GRM8: variants seen among roughly 807,000 people sequenced by gnomAD.
GRM8 encodes the protein glutamate metabotropic receptor 8.
A neutral mutation model predicts 87.2 loss-of-function variants in GRM8; 47 were observed. The ratio of observed to expected loss-of-function variants is 0.54; its 90% CI spans 0.43 to 0.69. The LOEUF is 0.69. GRM8 is among the 30% of genes least tolerant of loss of function. GRM8 has a pLI of 0.00. For missense variants in GRM8, 1,019 were observed against 1,139.2 expected, an observed-to-expected ratio of 0.89 and a Z score of 1.52; for synonymous variants, 396 against 404.5, an observed-to-expected ratio of 0.98 and a Z score of 0.25.
chr7:126,727,915 T>C (rs1813189202), intron 7 of GRM8, among the ~76,000 whole-genome samples: 2 of 152,214 alleles, frequency 1.3e-5, no homozygotes, highest in African/African-American at 4.8e-5. Flanking sequence ...AGTATTATTG[T>C]ATGTACACAT....
chr7:126,750,714 T>G (rs1381974727), intron 7 of GRM8, among the ~76,000 whole-genome samples: 1 of 152,168 alleles, frequency 6.6e-6, no homozygotes, highest in African/African-American at 2.4e-5. Context: ...TTTCTTCACA[T>G]AATCTCACAC....
intron 9 of GRM8, among the ~76,000 whole-genome samples, chr7:126,464,277 C>G (rs1361593035): frequency 6.6e-6 from 1 of 151,460 alleles, no homozygotes; most frequent in Admixed American, 6.6e-5. Flanking sequence ...TACCCTTGTT[C>G]CTTTTTGGTT....
intron 7 of GRM8, among the ~76,000 whole-genome samples, chr7:126,649,201 G>A (rs1803512013): frequency 6.6e-6 from 1 of 152,184 alleles, no homozygotes; most frequent in South Asian, 2.1e-4. Flanking sequence ...GCAAGGTATT[G>A]ACTCTGGGTG....
chr7:126,587,595 G>T (rs186758475), intron 8 of GRM8, among the ~76,000 whole-genome samples: 2 of 150,022 alleles, frequency 1.3e-5, no homozygotes, highest in African/African-American at 2.5e-5. Flanking sequence ...ACCAAACACC[G>T]CATATTCTCA....
intron 3 of GRM8, among the ~76,000 whole-genome samples, chr7:127,060,832 A>T (rs1820532848): frequency 6.6e-6 from 1 of 152,032 alleles, no homozygotes; most frequent in Non-Finnish European, 1.5e-5. Context: ...AATTTAACTC[A>T]TTTTGTGTCT....
intron 7 of GRM8, among the ~76,000 whole-genome samples, chr7:126,731,495 A>T (rs1334594562): frequency 6.6e-6 from 1 of 152,166 alleles, no homozygotes; most frequent in Non-Finnish European, 1.5e-5. Context: ...TCCCAATGGT[A>T]GTAAACAAAA....
chr7:126,855,391 A>G (rs1173015704), intron 6 of GRM8, among the ~76,000 whole-genome samples: 2 of 152,118 alleles, frequency 1.3e-5, no homozygotes, highest in Admixed American at 1.3e-4. Flanking sequence ...ACTAAGTCTC[A>G]GAACAGCTAG....
intron 9 of GRM8, among the ~76,000 whole-genome samples, chr7:126,479,922 T>A (rs1259115559): frequency 6.6e-6 from 1 of 152,096 alleles, no homozygotes; most frequent in Non-Finnish European, 1.5e-5. Context: ...TTGTTGTCTA[T>A]CTATTTTCAT....
chr7:127,013,976 G>T (rs181774267), intron 3 of GRM8, among the ~76,000 whole-genome samples: 53 of 152,288 alleles, frequency 3.5e-4, no homozygotes, highest in Admixed American at 5.9e-4. Flanking sequence ...CTCATAAGGT[G>T]GCTGAAAGGT....
rs374771651 is a variant in GRM8 at position 126,654,113 on chromosome 7, C to A, written c.1358-44615G>T. ...ATACCCATTTATAGAAATAACTAGA[C>A]CCCTAAGCAGATTCAGGTACATTCT... On this transcript the variant is annotated intron_variant, in intron 7 of 10. Coordinates refer to ENST00000339582, the MANE Select transcript of GRM8 (RefSeq NM_000845.3). Among the ~76,000 whole-genome samples, 11 of 152,232 alleles carry A rather than the reference C, an allele frequency of 7.2e-5. No individual in the cohort carries two copies. The South Asian group carries it at 1.2e-3, about 17-fold the overall frequency.
chr7:126,593,633 A>T (rs1796895513), intron 8 of GRM8, among the ~76,000 whole-genome samples: 1 of 152,034 alleles, frequency 6.6e-6, no homozygotes, highest in African/African-American at 2.4e-5. Flanking sequence ...AAGACCCAAA[A>T]CTATGAAACT....
At position 126,438,766 on chromosome 7, in the gene GRM8, C is replaced by T. The variant is rs545842570; in HGVS notation, c.*353G>A. The T allele has an allele frequency of 2.3e-5, 5 of 218,616 alleles. No individual in the cohort carries two copies. The highest frequency in any genetic ancestry group is 2.2e-4 in the East Asian group (2 of 8,934). 13.5% of individuals were successfully genotyped at this position (218,616 alleles called of 1,614,324 possible). A position where few individuals can be genotyped will look rare whatever the true frequency, so the allele number is the denominator to read the frequency against. On this transcript the variant is annotated 3_prime_UTR_variant, in exon 11 of 11. Transcript: ENST00000339582. The stretch of plus-strand genomic sequence containing the variant: ...CAAGTTAAACAATGTGGGACAGGAA[C>T]GGGAGTTCTCACAATCACAGAAAAA...
intron 7 of GRM8, among the ~76,000 whole-genome samples, chr7:126,666,391 G>A (rs1805772913): frequency 6.6e-6 from 1 of 151,812 alleles, no homozygotes; most frequent in South Asian, 2.1e-4. Context: ...AATTTCATGG[G>A]GAAAAACAAT....
At chr7:126,969,531 T>C (rs576497758) in intron 3 of GRM8, among the ~76,000 whole-genome samples, 1 of 152,334 alleles carries the variant, frequency 6.6e-6, no homozygotes, top group Admixed American at 6.5e-5. Context: ...TTTTATGAGA[T>C]TGAAGCAATT....
At chr7:126,590,346 A>T (rs1222319561) in intron 8 of GRM8, among the ~76,000 whole-genome samples, 2 of 151,920 alleles carry the variant, frequency 1.3e-5, no homozygotes, top group Admixed American at 6.6e-5. Flanking sequence ...AAAAGAATTT[A>T]AAAAAATGAA....
intron 3 of GRM8, among the ~76,000 whole-genome samples, chr7:127,079,440 A>G (rs902443439): frequency 6.6e-6 from 1 of 152,206 alleles, no homozygotes; most frequent in African/African-American, 2.4e-5. Flanking sequence ...TTTAAAGTTA[A>G]TGACAATCAA....
chr7:126,721,289 T>C (rs1262364173), intron 7 of GRM8, among the ~76,000 whole-genome samples: 2 of 152,184 alleles, frequency 1.3e-5, no homozygotes, highest in South Asian at 2.1e-4. Context: ...CCAAACACCA[T>C]ACTTTGTCTT....
At chr7:126,472,699 T>A (rs779978182) in intron 9 of GRM8, among the ~76,000 whole-genome samples, 5 of 152,142 alleles carry the variant, frequency 3.3e-5, no homozygotes, top group Non-Finnish European at 5.9e-5. Context: ...GGAAAATGTC[T>A]CCCGAGCATG....
At chr7:126,566,688 A>G (rs895753052) in intron 8 of GRM8, among the ~76,000 whole-genome samples, 1 of 152,184 alleles carries the variant, frequency 6.6e-6, no homozygotes, top group Non-Finnish European at 1.5e-5. Context: ...GTATTTATCC[A>G]AAAGAATTGA....
Sources: gnomAD v4.1 joint callset for allele counts (sites outside exome capture counted in the v4.1 genomes callset) on GRCh38, gnomAD v4.1.1 for gene constraint, MANE v1.5 for transcripts, NCBI Gene and HGNC (gene_info 2026-07-23, HGNC 2026-07-21) for gene names.